The following SPPL3 variants were observed in gnomAD, a reference collection of about 807,000 sequenced individuals.
The protein encoded by SPPL3 is signal peptide peptidase like 3.
A neutral mutation model predicts 42.4 loss-of-function variants in SPPL3; 5 were observed. The ratio of observed to expected loss-of-function variants is 0.12; its 90% CI spans 0.06 to 0.25. The LOEUF (loss-of-function observed/expected upper bound fraction) is 0.25, where lower values mean the gene tolerates loss of function less well. SPPL3 is among the 10% of genes least tolerant of loss of function. The probability of loss-of-function intolerance (pLI) is 1.00; values close to 1 mark genes in which losing one functional copy is unlikely to be tolerated. For missense variants in SPPL3, 235 were observed against 489.0 expected (o/e 0.48, Z 4.90); for synonymous variants, 195 against 181.8 (o/e 1.07, Z -0.58).
chr12:120,895,685 C>A, intron 1 of SPPL3, among the ~76,000 whole-genome samples: 1 of 152,210 alleles, frequency 6.6e-6, no homozygotes, highest in Non-Finnish European at 1.5e-5. Context: ...ACAGAACAAA[C>A]AGCGTGCTTT....
chr12:120,790,089 T>C (rs1216243645), intron 3 of SPPL3, among the ~76,000 whole-genome samples: 3 of 152,212 alleles, frequency 2.0e-5, no homozygotes, highest in East Asian at 3.8e-4. Context: ...GCTTAAAATG[T>C]TGACAGAAGA....
intron 2 of SPPL3, among the ~76,000 whole-genome samples, chr12:120,798,540 A>C (rs1483355733): frequency 1.3e-5 from 2 of 152,244 alleles, no homozygotes; most frequent in African/African-American, 4.8e-5. Flanking sequence ...AGCAGAGCTA[A>C]CAATGTGCAG....
intron 3 of SPPL3, among the ~76,000 whole-genome samples, chr12:120,790,764 G>C (rs1012981653): frequency 6.6e-6 from 1 of 151,340 alleles, no homozygotes; most frequent in African/African-American, 2.4e-5. Context: ...GAGGGTCACC[G>C]AAAAAAGGTA....
At chr12:120,852,173 GCT>G (rs746742645) in intron 1 of SPPL3, among the ~76,000 whole-genome samples, 35 of 151,962 alleles carry the variant, frequency 2.3e-4, no homozygotes, top group Non-Finnish European at 5.0e-4. Flanking sequence ...ACGAAAGTGT[GCT>G]CTCTGTTATG....
At chr12:120,806,830 G>A (rs187374518) in intron 2 of SPPL3, among the ~76,000 whole-genome samples, 1 of 142,690 alleles carries the variant, frequency 7.0e-6, no homozygotes, top group East Asian at 2.1e-4. Context: ...CTGGGCGACA[G>A]AGCGAGACTC....
At chr12:120,899,699 T>C (rs1873914908) in intron 1 of SPPL3, among the ~76,000 whole-genome samples, 1 of 151,860 alleles carries the variant, frequency 6.6e-6, no homozygotes, top group Non-Finnish European at 1.5e-5. Context: ...AAGACCATCC[T>C]GGCTAACATG....
intron 1 of SPPL3, among the ~76,000 whole-genome samples, chr12:120,860,410 T>C (rs1193555133): frequency 6.6e-6 from 1 of 152,182 alleles, no homozygotes; most frequent in Non-Finnish European, 1.5e-5. Flanking sequence ...GTAAATAAGT[T>C]GTATAAATAT....
chr12:120,789,838 A>T (rs1869854822), intron 3 of SPPL3, among the ~76,000 whole-genome samples: 2 of 150,782 alleles, frequency 1.3e-5, no homozygotes, highest in Admixed American at 1.3e-4. Flanking sequence ...AAAAAAAAAA[A>T]AAAAAAAAAA....
chr12:120,766,490 G>T, intron 9 of SPPL3, 118 bp from the exon 10 acceptor site: 1 of 762,546 alleles, frequency 1.3e-6, no homozygotes, highest in Non-Finnish European at 2.0e-6. Context: ...TCTATGGTTG[G>T]GGTGTGAAAT....
At chr12:120,841,834 A>G (rs2137026617) in intron 1 of SPPL3, among the ~76,000 whole-genome samples, 1 of 152,348 alleles carries the variant, frequency 6.6e-6, no homozygotes, top group South Asian at 2.1e-4. Flanking sequence ...CTGACAAGCT[A>G]GCAATTACTT....
At chr12:120,850,852 C>T (rs962125819) in intron 1 of SPPL3, among the ~76,000 whole-genome samples, 2 of 152,182 alleles carry the variant, frequency 1.3e-5, no homozygotes, top group South Asian at 4.1e-4. Flanking sequence ...ATCACTACAA[C>T]CTCTTGTTTC....
intron 1 of SPPL3, among the ~76,000 whole-genome samples, chr12:120,826,180 C>A (rs904654069): frequency 1.3e-5 from 2 of 151,532 alleles, no homozygotes; most frequent in African/African-American, 4.9e-5. Context: ...GTAATCCCCG[C>A]TACTCAGGAG....
intron 1 of SPPL3, among the ~76,000 whole-genome samples, chr12:120,852,248 T>C (rs1323706035): frequency 6.6e-6 from 1 of 151,238 alleles, no homozygotes; most frequent in African/African-American, 2.4e-5. Context: ...AACTCCCAGT[T>C]TGTCATCGCA....
At chr12:120,896,463 A>G (rs1180022927) in intron 1 of SPPL3, among the ~76,000 whole-genome samples, 1 of 152,132 alleles carries the variant, frequency 6.6e-6, no homozygotes, top group African/African-American at 2.4e-5. Flanking sequence ...TTAAGTAAGG[A>G]TAAGAAAATA....
At chr12:120,795,123 A>G (rs1370441699) in intron 2 of SPPL3, among the ~76,000 whole-genome samples, 1 of 152,138 alleles carries the variant, frequency 6.6e-6, no homozygotes, top group Non-Finnish European at 1.5e-5. Flanking sequence ...ATTATCATTC[A>G]TTCTTTCATT....
chr12:120,821,292 G>A (rs988806616), intron 1 of SPPL3, among the ~76,000 whole-genome samples: 2 of 152,252 alleles, frequency 1.3e-5, no homozygotes, highest in Admixed American at 1.3e-4. Context: ...TATCCTCTAA[G>A]ACAGGTCCTC....
At chr12:120,873,398 C>A (rs2137051159) in intron 1 of SPPL3, among the ~76,000 whole-genome samples, 1 of 152,150 alleles carries the variant, frequency 6.6e-6, no homozygotes, top group Admixed American at 6.5e-5. Flanking sequence ...ATAACGGCTG[C>A]AAATTTCATA....
chr12:120,857,380 T>C (rs1872496716), intron 1 of SPPL3, among the ~76,000 whole-genome samples: 1 of 152,188 alleles, frequency 6.6e-6, no homozygotes, highest in Admixed American at 6.5e-5. Context: ...TTGGTGGGAA[T>C]GTAAATTAGT....
At position 120,784,600 on chromosome 12, in the gene SPPL3, G is replaced by C; in HGVS notation, c.191-7C>G. 6.3e-7 allele frequency: 1 copy of C among 1,599,226 alleles called. No individual in the cohort carries two copies. The highest frequency in any genetic ancestry group is 1.1e-5 in the South Asian group (1 of 88,398). On this transcript the variant is annotated splice_region_variant and splice_polypyrimidine_tract_variant and intron_variant, in intron 3 of 10. Coordinates refer to ENST00000353487, the MANE Select transcript of SPPL3 (RefSeq NM_139015.5). Reference sequence around the variant, plus strand: ...GAGTCAATTGTTTGGATGCCTGAAAGAGAAAAACAGACAGATTAATAACTT... The same window carrying C: ...GAGTCAATTGTTTGGATGCCTGAAACAGAAAAACAGACAGATTAATAACTT...
Sources: allele counts gnomAD v4.1 joint callset (sites outside exome capture counted in the v4.1 genomes callset), GRCh38; gene constraint gnomAD v4.1.1; transcripts MANE v1.5; gene names NCBI Gene and HGNC (gene_info 2026-07-23, HGNC 2026-07-21).